Variants in CCNH observed in about 807,000 individuals in gnomAD.
CCNH encodes cyclin H.
CCNH carries 31 observed loss-of-function variants against 41.9 expected under a neutral mutation model. That is an observed-to-expected ratio of 0.74 (90% CI 0.56 to 1.00). CCNH has a LOEUF of 1.00. Among genes scored for constraint, CCNH ranks in the 50% least tolerant of loss-of-function variants. The pLI is 0.00. For synonymous variants in CCNH, 138 were observed against 136.1 expected (o/e 1.01, Z -0.10); for missense variants, 362 against 388.4 (o/e 0.93, Z 0.57).
downstream of CCNH, among the ~76,000 whole-genome samples, chr5:87,315,567 T>G (rs1756264255): frequency 6.6e-6 from 1 of 152,214 alleles, no homozygotes; most frequent in Non-Finnish European, 1.5e-5. Flanking sequence ...AAAAAAATCT[T>G]GTGTTTTTAA....
chr5:87,350,489 ATAATT>A (rs1206492269), intron 9 of CCNH, among the ~76,000 whole-genome samples: 1 of 151,862 alleles, frequency 6.6e-6, no homozygotes, highest in Non-Finnish European at 1.5e-5. Context: ...TAAAGATAAA[ATAATT>A]TACATGAATT....
intron 9 of CCNH, among the ~76,000 whole-genome samples, chr5:87,384,639 G>A (rs929287647): frequency 6.6e-6 from 1 of 151,998 alleles, no homozygotes; most frequent in Non-Finnish European, 1.5e-5. Flanking sequence ...TCTAAAACTA[G>A]GCAGTCAGGT....
intron 9 of CCNH, among the ~76,000 whole-genome samples, chr5:87,349,639 G>A (rs953385567): frequency 6.6e-6 from 1 of 151,790 alleles, no homozygotes; most frequent in African/African-American, 2.4e-5. Flanking sequence ...CTAAATCCAT[G>A]TGTTATCTGT....
At chr5:87,360,321 T>A (rs1759988745) in intron 9 of CCNH, among the ~76,000 whole-genome samples, 1 of 152,098 alleles carries the variant, frequency 6.6e-6, no homozygotes, top group Admixed American at 6.5e-5. Flanking sequence ...AGACAGGGTT[T>A]CACCATGTCG....
At position 87,408,100 on chromosome 5, in the gene CCNH, A is replaced by G. The variant is rs749465599; in HGVS notation, c.401T>C (p.Leu134Pro). 1.2e-6 allele frequency: 2 copies of G among 1,613,438 alleles called. No individual in the cohort carries two copies. The highest frequency in any genetic ancestry group is 2.2e-5 in the East Asian group (1 of 44,856). Residue 134 changes from leucine (L) to proline (P), a missense_variant, in exon 4 of 9, where the codon CTT becomes CCT. Transcript: ENST00000256897. Reference protein sequence around the residue: ...QFVGNLRESPLGQEKALEQIL... With the variant: ...QFVGNLRESPPGQEKALEQIL... ...CTGTTCAAGTGCCTTCTCCTGTCCA[A>G]GAGGACTCTCCCGGAGGTTTCCAAC...
downstream of CCNH, among the ~76,000 whole-genome samples, chr5:87,371,882 A>T (rs1021744453): frequency 6.6e-6 from 1 of 152,148 alleles, no homozygotes; most frequent in Non-Finnish European, 1.5e-5. Context: ...TCATACATAA[A>T]TTCAAACAAA....
chr5:87,400,889 A>G (rs1763354042), intron 6 of CCNH, among the ~76,000 whole-genome samples: 1 of 152,236 alleles, frequency 6.6e-6, no homozygotes, highest in Non-Finnish European at 1.5e-5. Context: ...AATCCAGCCA[A>G]TAAGTAAAGT....
chr5:87,395,281 TTTAAA>T (rs1762860762), intron 7 of CCNH, among the ~76,000 whole-genome samples, 177 bp from the exon 8 acceptor site: 1 of 152,188 alleles, frequency 6.6e-6, no homozygotes, highest in Non-Finnish European at 1.5e-5. Context: ...ACAATCAATC[TTTAAA>T]TTAAATGCAA....
At chr5:87,389,380 G>C, downstream of CCNH, 1 of 1,613,734 alleles carries the variant, frequency 6.2e-7, no homozygotes, top group African/African-American at 1.3e-5. Flanking sequence ...GCAATTTTAC[G>C]ATTCCCTTAA....
chr5:87,368,961 A>G (rs2112472765), intron 9 of CCNH, among the ~76,000 whole-genome samples: 1 of 152,350 alleles, frequency 6.6e-6, no homozygotes, highest in Non-Finnish European at 1.5e-5. Flanking sequence ...ATTTAGGATT[A>G]GAAGTTTCCA....
upstream of CCNH, among the ~76,000 whole-genome samples, chr5:87,379,340 T>C (rs1179155098): frequency 6.6e-6 from 1 of 152,164 alleles, no homozygotes; most frequent in Admixed American, 6.5e-5. Context: ...CATAGATAAA[T>C]GTACTCTGCT....
chr5:87,383,039 C>T (rs1761830978), intron 9 of CCNH, among the ~76,000 whole-genome samples: 1 of 151,990 alleles, frequency 6.6e-6, no homozygotes, highest in South Asian at 2.1e-4. Flanking sequence ...TTGCAGTGAG[C>T]TGTGATTGTG....
chr5:87,381,110 C>T (rs1761683466), upstream of CCNH, among the ~76,000 whole-genome samples: 1 of 152,180 alleles, frequency 6.6e-6, no homozygotes, highest in Non-Finnish European at 1.5e-5. Flanking sequence ...AAAGGGACTT[C>T]ATTATCATTA....
intron 9 of CCNH, among the ~76,000 whole-genome samples, chr5:87,367,733 C>T (rs1201798710): frequency 6.6e-6 from 1 of 152,110 alleles, no homozygotes; most frequent in African/African-American, 2.4e-5. Flanking sequence ...TATTGCTTTA[C>T]ATTTATTTAT....
At chr5:87,404,223 T>C (rs1763625354) in intron 5 of CCNH, among the ~76,000 whole-genome samples, 1 of 152,196 alleles carries the variant, frequency 6.6e-6, no homozygotes, top group Non-Finnish European at 1.5e-5. Flanking sequence ...ACACAAATAT[T>C]CCTATTAAGT....
chr5:87,398,045 T>C (rs1004784775), intron 7 of CCNH, among the ~76,000 whole-genome samples: 1 of 152,232 alleles, frequency 6.6e-6, no homozygotes, highest in African/African-American at 2.4e-5. Flanking sequence ...AAAAAGGACA[T>C]AATCAGTGCT....
chr5:87,314,383 T>C (rs970916438), downstream of CCNH, among the ~76,000 whole-genome samples: 3 of 152,050 alleles, frequency 2.0e-5, no homozygotes, highest in Non-Finnish European at 4.4e-5. Flanking sequence ...ATATTATAGA[T>C]GTATAAAGAG....
chr5:87,412,496 G>A, intron 1 of CCNH, 182 bp downstream of exon 1: 1 of 1,425,662 alleles, frequency 7.0e-7, no homozygotes, highest in Non-Finnish European at 9.2e-7. Flanking sequence ...CGGGGATGGC[G>A]TTGTTCGTCT....
At chr5:87,349,638 T>C (rs1446073675) in intron 9 of CCNH, among the ~76,000 whole-genome samples, 2 of 151,908 alleles carry the variant, frequency 1.3e-5, no homozygotes, top group Non-Finnish European at 2.9e-5. Flanking sequence ...ACTAAATCCA[T>C]GTGTTATCTG....
Sources: allele counts gnomAD v4.1 joint callset (sites outside exome capture counted in the v4.1 genomes callset), GRCh38; gene constraint gnomAD v4.1.1; transcripts MANE v1.5; gene names NCBI Gene and HGNC (gene_info 2026-07-23, HGNC 2026-07-21).